Variants in FIP1L1 observed in about 807,000 individuals in gnomAD.
FIP1L1 encodes factor interacting with PAPOLA and CPSF1, also known as pre-mRNA 3'-end-processing factor FIP1.
A neutral mutation model predicts 84.6 loss-of-function variants in FIP1L1; 21 were observed. The observed-to-expected ratio is 0.25, with a 90% CI of 0.18 to 0.36. The LOEUF is 0.36. Among genes scored for constraint, FIP1L1 ranks in the 10% least tolerant of loss-of-function variants. The pLI is 1.00. For synonymous variants in FIP1L1, 263 were observed against 242.3 expected (o/e 1.09, Z -0.80); for missense variants, 526 against 751.1 (o/e 0.70, Z 3.50).
At chr4:53,434,817 G>A (rs895155985) in intron 13 of FIP1L1, among the ~76,000 whole-genome samples, 1 of 152,098 alleles carries the variant, frequency 6.6e-6, no homozygotes, top group Admixed American at 6.5e-5. Flanking sequence ...GATTCAGTAG[G>A]GTCTCAGGGA....
intron 15 of FIP1L1, among the ~76,000 whole-genome samples, chr4:53,448,717 C>T (rs1319915838): frequency 6.6e-6 from 1 of 152,138 alleles, no homozygotes; most frequent in Admixed American, 6.5e-5. Context: ...TGCAATTGCA[C>T]TGATGCTCTA....
chr4:53,395,813 A>G (rs1039957479), intron 9 of FIP1L1, among the ~76,000 whole-genome samples: 6 of 152,152 alleles, frequency 3.9e-5, no homozygotes, highest in African/African-American at 1.2e-4. Context: ...TCAGCATCAC[A>G]GGGTTGAAAA....
chr4:53,432,443 G>T (rs1767193579), intron 13 of FIP1L1, among the ~76,000 whole-genome samples: 2 of 148,062 alleles, frequency 1.4e-5, no homozygotes, highest in African/African-American at 2.5e-5. Context: ...ACAAATACTG[G>T]CTAATTTAGT....
intron 14 of FIP1L1, among the ~76,000 whole-genome samples, chr4:53,443,010 A>G (rs114093047): frequency 1.3e-5 from 2 of 152,130 alleles, no homozygotes; most frequent in African/African-American, 4.8e-5. Flanking sequence ...TATGGGAAAT[A>G]CAAACATAAA....
At position 53,459,277 on chromosome 4, in the gene FIP1L1, C is replaced by CTTTT. The variant is rs3067115; in HGVS notation, c.1638-8_1638-5dup. The CTTTT allele has an allele frequency of 3.6e-3, 3,472 of 973,078 alleles. 50 individuals carry two copies. The highest frequency in any genetic ancestry group is 0.016 in the South Asian group (800 of 50,854). The allele number at this position is 973,078 out of a possible 1,614,324, so 60.3% of individuals were successfully genotyped here. On this transcript the variant is annotated intron_variant, in intron 17 of 17. Transcript: ENST00000337488. ...GATTGTGTATTTAAACAGAACACAC[C>CTTTT]TTTTTTTTTTTTTTTTTTTTCCAGT...
chr4:53,446,066 G>C (rs1370466768), intron 15 of FIP1L1, among the ~76,000 whole-genome samples: 3 of 152,132 alleles, frequency 2.0e-5, no homozygotes, highest in Non-Finnish European at 2.9e-5. Flanking sequence ...ACACTTCTAG[G>C]TATCTCTATC....
chr4:53,457,274 G>A (rs946889255), intron 16 of FIP1L1, among the ~76,000 whole-genome samples: 47 of 152,130 alleles, frequency 3.1e-4, no homozygotes, highest in African/African-American at 1.1e-3. Context: ...GATCCTGTGT[G>A]TACTCCACTT....
At chr4:53,394,234 T>A (rs1313250126) in intron 9 of FIP1L1, among the ~76,000 whole-genome samples, 1 of 152,226 alleles carries the variant, frequency 6.6e-6, no homozygotes, top group African/African-American at 2.4e-5. Context: ...CTGCATAGTC[T>A]GTTTTCAACT....
intron 9 of FIP1L1, among the ~76,000 whole-genome samples, chr4:53,397,369 G>A (rs933214737): frequency 7.2e-5 from 11 of 152,158 alleles, no homozygotes; most frequent in Admixed American, 7.2e-4. Flanking sequence ...AGAGTGAGCT[G>A]TGTGGCTAGA....
chr4:53,384,744 G>A (rs1336219568), intron 5 of FIP1L1, among the ~76,000 whole-genome samples: 1 of 152,120 alleles, frequency 6.6e-6, no homozygotes, highest in African/African-American at 2.4e-5. Flanking sequence ...ATTGAAGTAC[G>A]AATTGTGATT....
chr4:53,431,168 A>G (rs370413597), intron 13 of FIP1L1, among the ~76,000 whole-genome samples: 8 of 152,340 alleles, frequency 5.3e-5, no homozygotes, highest in East Asian at 1.9e-4. Flanking sequence ...TACCTGGTAC[A>G]TTCAATCAGG....
rs1468343962 is a variant in FIP1L1, at chr4:53,459,221, A to G, written c.1638-81A>G. On this transcript the variant is annotated intron_variant, in intron 17 of 17. Transcript: ENST00000337488. ...TTTTAAACCCAGTGTTATATTGAGA[A>G]TTTCCTTAGAGTGATTGGATTTTTG... is the stretch of plus-strand genomic sequence containing the variant. 3 of 970,866 alleles carry G rather than the reference A, an allele frequency of 3.1e-6. No individual in the cohort carries two copies. In the African/African-American group the frequency reaches 5.1e-5, roughly 16 times the overall value. The allele number at this position is 970,866 out of a possible 1,614,324, so 60.1% of individuals were successfully genotyped here.
chr4:53,418,277 G>A (rs1471660948), intron 11 of FIP1L1, among the ~76,000 whole-genome samples: 2 of 145,098 alleles, frequency 1.4e-5, no homozygotes, highest in Non-Finnish European at 3.1e-5. Flanking sequence ...GCCCAACCTG[G>A]TCTCTAAATA....
At chr4:53,396,782 ACATTAAAACCTGT>A (rs1475833106) in intron 9 of FIP1L1, among the ~76,000 whole-genome samples, 1 of 152,232 alleles carries the variant, frequency 6.6e-6, no homozygotes, top group Non-Finnish European at 1.5e-5. Flanking sequence ...GCTTTCATAA[ACATTAAAACCTGT>A]CATAAAATTA....
rs1430687137 is a variant in FIP1L1 at position 53,453,044 on chromosome 4, G to A, written c.1410G>A (p.Glu470=). The part of the protein sequence containing the change: ...DRDRERDRDR[E]RDRDRDRERE... ...ATAGAGAGAGAGACAGAGACAGAGA[G>A]CGAGACCGTGATCGGGACAGAGAAA... Residue 470 remains glutamate, a synonymous_variant, in exon 16 of 18, where the codon GAG becomes GAA. Transcript: ENST00000337488. 2 of 1,612,906 alleles carry A rather than the reference G, an allele frequency of 1.2e-6. No homozygotes were observed. The highest frequency in any genetic ancestry group is 2.2e-5 in the South Asian group (2 of 91,062).
chr4:53,409,299 G>A (rs182904686), intron 10 of FIP1L1, among the ~76,000 whole-genome samples: 8 of 152,346 alleles, frequency 5.3e-5, no homozygotes, highest in Admixed American at 5.2e-4. Flanking sequence ...AGCGGTGGCT[G>A]CAGAACAGCG....
intron 11 of FIP1L1, among the ~76,000 whole-genome samples, chr4:53,415,158 C>G (rs908123354): frequency 3.3e-5 from 5 of 152,094 alleles, no homozygotes; most frequent in African/African-American, 1.2e-4. Flanking sequence ...GTGCAAAAAC[C>G]CCTGATTTCA....
At chr4:53,450,098 T>C (rs1775783755) in intron 15 of FIP1L1, among the ~76,000 whole-genome samples, 2 of 152,144 alleles carry the variant, frequency 1.3e-5, no homozygotes, top group Admixed American at 1.3e-4. Context: ...ATCCCTTTTT[T>C]TGTTGGATTA....
At chr4:53,423,721 T>G (rs1393160497) in intron 11 of FIP1L1, among the ~76,000 whole-genome samples, 1 of 152,204 alleles carries the variant, frequency 6.6e-6, no homozygotes, top group Non-Finnish European at 1.5e-5. Flanking sequence ...AATTGTAATT[T>G]TCTGAACTCC....
Sources: gnomAD v4.1 joint callset for allele counts (sites outside exome capture counted in the v4.1 genomes callset) on GRCh38, gnomAD v4.1.1 for gene constraint, MANE v1.5 for transcripts, NCBI Gene and HGNC (gene_info 2026-07-23, HGNC 2026-07-21) for gene names.